Variants in TARS2 observed in about 807,000 individuals in gnomAD.
The protein encoded by TARS2 is threonine--tRNA ligase, mitochondrial.
In TARS2, 61 loss-of-function variants were observed where a neutral mutation model predicts 94.4. The observed-to-expected ratio is 0.65, with a 90% CI of 0.53 to 0.80. TARS2 has a LOEUF of 0.80. Among genes scored for constraint, TARS2 ranks in the 30% least tolerant of loss-of-function variants. The probability of loss-of-function intolerance (pLI) is 0.00; values close to 1 mark genes in which losing one functional copy is unlikely to be tolerated. For synonymous variants in TARS2, 359 were observed against 353.4 expected, an observed-to-expected ratio of 1.02 and a Z score of -0.18; for missense variants, 704 against 902.5, an observed-to-expected ratio of 0.78 and a Z score of 2.82.
In TARS2 at chr1:150,498,634, T is replaced by A; in HGVS notation, c.1371T>A (p.Asp457Glu). The A allele has an allele frequency of 6.2e-7, 1 of 1,612,872 alleles. No individual in the cohort carries two copies. Among genetic ancestry groups the A allele is most frequent in the Non-Finnish European group, 8.5e-7 (1 of 1,179,656 alleles). ...CCCGACTGCGGTGCTTCCAGCAGGA[T>A]GACGCTCACATCTTCTGTACAACAG... is the stretch of plus-strand genomic sequence containing the variant. ...GLTRLRCFQQ[D>E]DAHIFCTTDQ... The change falls in exon 11 of 18, where the codon GAT becomes GAA. Residue 457 changes from aspartate (D) to glutamate (E), a missense_variant. Physicochemically the swap from Asp to Glu is conservative, Grantham distance 45. Coordinates refer to ENST00000369064, the MANE Select transcript of TARS2 (RefSeq NM_025150.5).
rs147592713 is a variant in TARS2 at position 150,491,817 on chromosome 1, C to T, written c.695+155C>T. Reference sequence around the variant, plus strand: ...ATTTTTTTTTTTTCTTTTTTTGAGACGGAGTCTTGGTCTGTCTCCCAGGCT... The same window carrying T: ...ATTTTTTTTTTTTCTTTTTTTGAGATGGAGTCTTGGTCTGTCTCCCAGGCT... On this transcript the variant is annotated intron_variant, in intron 6 of 17. Coordinates refer to ENST00000369064, the MANE Select transcript of TARS2 (RefSeq NM_025150.5). The T allele has an allele frequency of 4.0e-3, 3,115 of 787,292 alleles. 74 individuals carry two copies. The African/African-American group carries it at 0.048, about 12-fold the overall frequency. The allele number at this position is 787,292 out of a possible 1,614,324, so 48.8% of individuals were successfully genotyped here.
At chr1:150,492,944 G>A (rs1193196533) in intron 7 of TARS2, among the ~76,000 whole-genome samples, 7 of 150,772 alleles carry the variant, frequency 4.6e-5, no homozygotes, top group South Asian at 2.1e-4. Context: ...GTGCAGTGGC[G>A]CGATCTTGGC....
At chr1:150,494,467 C>T (rs587638844) in intron 7 of TARS2, among the ~76,000 whole-genome samples, 3 of 151,178 alleles carry the variant, frequency 2.0e-5, no homozygotes, top group African/African-American at 4.9e-5. Context: ...CGGCCAGGTG[C>T]GGTGGTTCAC....
chr1:150,506,494 A>G (rs1021178285), intron 17 of TARS2, among the ~76,000 whole-genome samples: 16 of 144,520 alleles, frequency 1.1e-4, no homozygotes, highest in Non-Finnish European at 2.3e-4. Flanking sequence ...GCGCACACAC[A>G]CACACACACA....
chr1:150,488,082 G>C (rs375706031), intron 2 of TARS2, 28 bp downstream of exon 2: 6 of 1,607,572 alleles, frequency 3.7e-6, no homozygotes, highest in Middle Eastern at 1.7e-4. Context: ...TAACTACCAG[G>C]ATTATCCTTC....
At chr1:150,505,932 T>A (rs979492777) in intron 17 of TARS2, among the ~76,000 whole-genome samples, 4 of 152,092 alleles carry the variant, frequency 2.6e-5, no homozygotes, top group African/African-American at 9.7e-5. Context: ...TCTTTTTAAC[T>A]CCACTCTAGC....
Position 150,492,503 on chromosome 1 carries a change from CAG to C in TARS2, c.774+17_774+18del. 1 of 1,612,866 alleles carries C rather than the reference CAG, an allele frequency of 6.2e-7. No individual in the cohort carries two copies. On this transcript the variant is annotated intron_variant, in intron 7 of 17. Coordinates refer to ENST00000369064, the MANE Select transcript of TARS2 (RefSeq NM_025150.5). ...AAGCTGCTATCGGTCAGTTGTGGGA[CAG>C]AGTTAGGTTAAGATTCCTATTTTGA...
In TARS2 at chr1:150,504,750, G is replaced by C. The variant is rs1425029932; in HGVS notation, c.1820+17G>C. On this transcript the variant is annotated intron_variant, in intron 15 of 17. Transcript: ENST00000369064. ...GGGGAAATGGTGAGACCTCTGACCT[G>C]GATTTCTGTTCTGGCCCCAAACCGG... is the stretch of plus-strand genomic sequence containing the variant. The C allele has an allele frequency of 4.3e-6, 7 of 1,613,978 alleles. No homozygotes were observed. Among genetic ancestry groups the C allele is most frequent in the Non-Finnish European group, 5.9e-6 (7 of 1,179,880 alleles).
chr1:150,491,275 T>C, intron 4 of TARS2, 119 bp from the exon 5 acceptor site: 1 of 910,010 alleles, frequency 1.1e-6, no homozygotes, highest in Non-Finnish European at 1.8e-6. Context: ...TGTCTGTCTT[T>C]GCCTATAACT....
At position 150,504,367 on chromosome 1, in the gene TARS2, G is replaced by A; in HGVS notation, c.1650G>A (p.Arg550=). 6.2e-7 allele frequency: 1 copy of A among 1,614,100 alleles called. No individual in the cohort carries two copies. Among genetic ancestry groups the A allele is most frequent in the Non-Finnish European group, 8.5e-7 (1 of 1,180,014 alleles). Residue 550 remains arginine, a synonymous_variant, in exon 14 of 18, where the codon CGG becomes CGA. Coordinates refer to ENST00000369064, the MANE Select transcript of TARS2 (RefSeq NM_025150.5). ...IDVHLHDALG[R]PHQCGTIQLD... is the part of the protein sequence containing the mutation. ...TGCACCTCCACGATGCCCTGGGCCG[G>A]CCACATCAGTGTGGGACAATTCAGC...
chr1:150,489,586 G>A (rs1275906680), intron 3 of TARS2, among the ~76,000 whole-genome samples: 2 of 152,050 alleles, frequency 1.3e-5, no homozygotes, highest in African/African-American at 4.8e-5. Flanking sequence ...AGATTCGTGG[G>A]ACAGAAAAAA....
At chr1:150,505,566 T>A in intron 16 of TARS2, 25 bp from the exon 17 acceptor site, 1 of 1,600,440 alleles carries the variant, frequency 6.2e-7, no homozygotes, top group East Asian at 2.2e-5. Flanking sequence ...TAAATTAACT[T>A]CCTGTCACCA....
In TARS2 at chr1:150,504,776, A is replaced by G. The variant is rs771582419; in HGVS notation, c.1820+43A>G. 18 of 1,611,390 alleles carry G rather than the reference A, an allele frequency of 1.1e-5. No individual in the cohort carries two copies. The East Asian group carries it at 2.7e-4, about 24-fold the overall frequency. ...GATTTCTGTTCTGGCCCCAAACCGG[A>G]TAGTTATGCTCCAGATCCTGTCCCC... On this transcript the variant is annotated intron_variant, in intron 15 of 17. Coordinates refer to ENST00000369064, the MANE Select transcript of TARS2 (RefSeq NM_025150.5).
chr1:150,494,090 G>T lies in TARS2; in HGVS notation c.774+1601G>T, dbSNP rs587605813. ...ATAAAGATAATGAAAACCAGGCCAG[G>T]CATGGTGGCTCACACCTGTAATCCC... On this transcript the variant is annotated intron_variant, in intron 7 of 17. Coordinates refer to ENST00000369064, the MANE Select transcript of TARS2 (RefSeq NM_025150.5). 1.5e-3 allele frequency among the ~76,000 whole-genome samples: 227 copies of T among 152,288 alleles called. 1 individual carries two copies. Among genetic ancestry groups the T allele is most frequent in the Non-Finnish European group, 2.2e-3 (152 of 68,024 alleles).
At chr1:150,506,328 G>A (rs1670200066) in intron 17 of TARS2, among the ~76,000 whole-genome samples, 1 of 151,954 alleles carries the variant, frequency 6.6e-6, no homozygotes, top group African/African-American at 2.4e-5. Context: ...CCCTCACTCT[G>A]TGAATCCAGC....
At chr1:150,491,734 G>A (rs587614325) in intron 6 of TARS2, 72 bp downstream of exon 6, 50 of 1,460,386 alleles carry the variant, frequency 3.4e-5, no homozygotes, top group Middle Eastern at 1.7e-4. Context: ...TGCGATAAGG[G>A]AAGAAAGATA....
intron 1 of TARS2, 91 bp from the exon 2 acceptor site, chr1:150,487,767 G>A: frequency 1.3e-6 from 2 of 1,509,404 alleles, no homozygotes; most frequent in Non-Finnish European, 9.0e-7. Flanking sequence ...TTCGGACGAA[G>A]TCCACTTAAC....
Position 150,487,508 on chromosome 1 carries a change from C to T in TARS2, c.58C>T (p.Leu20=), listed in dbSNP as rs1236485871. ...GCTCCAAGGTTTACAGGCTTGCAGG[C>T]TACACACGGTGCGTGAGGCACCCCC... ...LRLQGLQACR[L]HTAVVSTPPR... The change falls in exon 1 of 18, where the codon CTA becomes TTA. Residue 20 remains leucine, a synonymous_variant. Coordinates refer to ENST00000369064, the MANE Select transcript of TARS2 (RefSeq NM_025150.5). The T allele has an allele frequency of 6.2e-7, 1 of 1,614,226 alleles. No homozygotes were observed. Among genetic ancestry groups the T allele is most frequent in the South Asian group, 1.1e-5 (1 of 91,090 alleles).
intron 13 of TARS2, among the ~76,000 whole-genome samples, chr1:150,502,325 G>A (rs371080579): frequency 7.3e-5 from 11 of 150,748 alleles, no homozygotes; most frequent in African/African-American, 2.2e-4. Context: ...AGGTTCAAGC[G>A]ATTCTCTTGC....
Sources: gnomAD v4.1 joint callset for allele counts (sites outside exome capture counted in the v4.1 genomes callset) on GRCh38, gnomAD v4.1.1 for gene constraint, MANE v1.5 for transcripts, NCBI Gene and HGNC (gene_info 2026-07-23, HGNC 2026-07-21) for gene names.